Variants in FOXN4 observed in about 807,000 individuals in gnomAD.
FOXN4 encodes the protein forkhead box protein N4.
FOXN4 carries 12 observed loss-of-function variants against 45.0 expected under a neutral mutation model. The observed-to-expected ratio is 0.27, with a 90% confidence interval of 0.17 to 0.43. FOXN4 has a LOEUF of 0.43. Among genes scored for constraint, FOXN4 ranks in the 20% least tolerant of loss-of-function variants. FOXN4 has a pLI of 1.00. For synonymous variants in FOXN4, 297 were observed against 295.0 expected (o/e 1.01, Z -0.07); for missense variants, 560 against 694.9 (o/e 0.81, Z 2.18).
intron 2 of FOXN4, among the ~76,000 whole-genome samples, chr12:109,298,344 G>GA (rs796347269): frequency 2.3e-5 from 3 of 131,858 alleles, no homozygotes; most frequent in Admixed American, 2.2e-4. Flanking sequence ...TTTTTTTTTT[G>GA]TTTTTTTTTT....
rs1423095193 is a variant in FOXN4 at position 109,285,352 on chromosome 12, A to T, written c.853T>A (p.Trp285Arg). Reference protein sequence around the residue: ...IDKMEEEMHKWKRKDLAAIHR... With the variant: ...IDKMEEEMHKRKRKDLAAIHR... ...ATGGCAGCCAGGTCCTTCCTCTTCC[A>T]CTTGTGCATCTCCTCCTCCATCTTG... Residue 285 changes from tryptophan to arginine, a missense_variant, in exon 8 of 10, where the codon TGG becomes AGG. This residue lies in a region of FOXN4 where 315 missense variants were observed against 350.5 expected (regional missense o/e 0.90). Transcript: ENST00000299162. 1.2e-6 allele frequency: 2 copies of T among 1,613,120 alleles called. No individual in the cohort carries two copies. The highest frequency in any genetic ancestry group is 4.5e-5 in the East Asian group (2 of 44,832).
At chr12:109,283,029 C>T (rs774222906) in intron 8 of FOXN4, among the ~76,000 whole-genome samples, 12 of 151,996 alleles carry the variant, frequency 7.9e-5, no homozygotes, top group Middle Eastern at 3.2e-3. Flanking sequence ...TTGTTCATCC[C>T]CAAGCCACAC....
intron 2 of FOXN4, among the ~76,000 whole-genome samples, chr12:109,306,394 C>T (rs909335358): frequency 6.6e-6 from 1 of 152,202 alleles, no homozygotes; most frequent in Non-Finnish European, 1.5e-5. Context: ...ATTGTTCTCA[C>T]TCTCTGACTC....
At chr12:109,304,225 A>AAGAAAGAAAG in intron 2 of FOXN4, among the ~76,000 whole-genome samples, 1 of 23,380 alleles carries the variant, frequency 4.3e-5, no homozygotes, top group East Asian at 9.9e-4. Flanking sequence ...AAGAAAGAGA[A>AAGAAAGAAAG]AGAAAGAAAG....
At chr12:109,299,646 G>A (rs1012507719) in intron 2 of FOXN4, among the ~76,000 whole-genome samples, 1 of 152,204 alleles carries the variant, frequency 6.6e-6, no homozygotes, top group Admixed American at 6.5e-5. Context: ...ATGCTGAAGG[G>A]TTGGGTCCCC....
chr12:109,308,040 TG>T (rs2047937156), intron 2 of FOXN4, among the ~76,000 whole-genome samples, 195 bp downstream of exon 2: 1 of 152,130 alleles, frequency 6.6e-6, no homozygotes, highest in African/African-American at 2.4e-5. Flanking sequence ...AGGCATTTCG[TG>T]GTCCCACTGG....
intron 2 of FOXN4, among the ~76,000 whole-genome samples, chr12:109,294,793 C>T (rs573454870): frequency 6.6e-6 from 1 of 152,234 alleles, no homozygotes; most frequent in South Asian, 2.1e-4. Context: ...ACCTCTGTCC[C>T]CTGCAGAAAG....
intron 9 of FOXN4, among the ~76,000 whole-genome samples, chr12:109,280,377 G>C (rs1210464825): frequency 6.7e-6 from 1 of 149,372 alleles, no homozygotes; most frequent in African/African-American, 2.5e-5. Flanking sequence ...GCATGGAAGG[G>C]CCAGAGTCGC....
chr12:109,283,124 T>C (rs1388198156), intron 8 of FOXN4, among the ~76,000 whole-genome samples: 1 of 152,088 alleles, frequency 6.6e-6, no homozygotes, highest in Non-Finnish European at 1.5e-5. Context: ...AGCCTCCACG[T>C]CACAGTCCCC....
chr12:109,290,027 G>C lies in FOXN4; in HGVS notation c.232+114C>G. The C allele has an allele frequency of 8.1e-7, 1 of 1,233,084 alleles. No individual in the cohort carries two copies. Among genetic ancestry groups the C allele is most frequent in the East Asian group, 2.7e-5 (1 of 36,478 alleles). The allele number at this position is 1,233,084 out of a possible 1,614,324, so 76.4% of individuals were successfully genotyped here. ...CCATTTTACAGATGCAGAAAGAGAGGCCCAGAGAGACTGGGAGACCGGGTC... is the reference window on the plus strand; with the variant it reads ...CCATTTTACAGATGCAGAAAGAGAGCCCCAGAGAGACTGGGAGACCGGGTC... On this transcript the variant is annotated intron_variant, in intron 3 of 9. Transcript: ENST00000299162. This position sits in a 1 kb window ranked among gnomAD's most constrained non-coding sequence, Gnocchi z 5.1.
chr12:109,293,920 C>T (rs1264213170), intron 2 of FOXN4, among the ~76,000 whole-genome samples: 1 of 152,172 alleles, frequency 6.6e-6, no homozygotes, highest in African/African-American at 2.4e-5. Flanking sequence ...AGGACAGGGA[C>T]AGAGAGTAGG....
rs182558917 is a variant in FOXN4 at position 109,279,550 on chromosome 12, G to A, written c.*121C>T. ...GCTTCCCTGTCCAGCCGGCAACTTC[G>A]CCACAGGTCCAGGAGAGGCTTCGGG... On this transcript the variant is annotated 3_prime_UTR_variant, in exon 10 of 10. Transcript: ENST00000299162. The A allele has an allele frequency of 1.4e-4, 205 of 1,439,594 alleles. No homozygotes were observed. In the African/African-American group the frequency reaches 2.4e-3, roughly 17 times the overall value. The allele number at this position is 1,439,594 out of a possible 1,614,324, so 89.2% of individuals were successfully genotyped here.
At chr12:109,301,249 G>A (rs888587525) in intron 2 of FOXN4, among the ~76,000 whole-genome samples, 2 of 152,286 alleles carry the variant, frequency 1.3e-5, no homozygotes, top group East Asian at 1.9e-4. Flanking sequence ...CTCGTGTGCC[G>A]AACAGAGGTG....
At position 109,281,805 on chromosome 12, in the gene FOXN4, G is replaced by A; in HGVS notation, c.902-6C>T. Reference sequence around the variant, plus strand: ...GATCAGCTTGTCCAACTCCTCTGCAGGCAAGTGGGAGAGGTCACTCAGAAC... The same window carrying A: ...GATCAGCTTGTCCAACTCCTCTGCAAGCAAGTGGGAGAGGTCACTCAGAAC... On this transcript the variant is annotated splice_polypyrimidine_tract_variant and splice_region_variant and intron_variant, in intron 8 of 9. Transcript: ENST00000299162. 2 of 1,560,374 alleles carry A rather than the reference G, an allele frequency of 1.3e-6. No homozygotes were observed. The highest frequency in any genetic ancestry group is 1.7e-6 in the Non-Finnish European group (2 of 1,156,984).
At position 109,290,152 on chromosome 12, in the gene FOXN4, T is replaced by A. The variant is rs2047752851; in HGVS notation, c.221A>T (p.His74Leu). The A allele has an allele frequency of 6.5e-7, 1 of 1,548,286 alleles. No individual in the cohort carries two copies. The highest frequency in any genetic ancestry group is 2.4e-5 in the East Asian group (1 of 40,842). ...RVDLGGPCVPHPHPGALAGVA... is the reference protein window; with the variant it reads ...RVDLGGPCVPLPHPGALAGVA... ...GTCCCTGAGCCTACCTGGGTGTGGA[T>A]GTGGCACGCAGGGGCCACCCAGGTC... The change falls in exon 3 of 10, where the codon CAT becomes CTT. Residue 74 changes from histidine (H) to leucine (L), a missense_variant. His to Leu is a moderately conservative substitution (Grantham distance 99). Coordinates refer to ENST00000299162, the MANE Select transcript of FOXN4 (RefSeq NM_213596.3). The surrounding 1 kb of genome is among the most constrained non-coding windows in gnomAD (Gnocchi z 5.1).
intron 2 of FOXN4, among the ~76,000 whole-genome samples, chr12:109,292,294 C>T (rs1303346847): frequency 6.6e-6 from 1 of 152,126 alleles, no homozygotes; most frequent in Non-Finnish European, 1.5e-5. Flanking sequence ...AGGTGGCTGC[C>T]CTCCAAAGCT....
rs1352218985 is a variant in FOXN4 at position 109,308,933 on chromosome 12, A to C, written c.-4+186T>G. Among the ~76,000 whole-genome samples, 3 of 152,344 alleles carry C rather than the reference A, an allele frequency of 2.0e-5. No individual in the cohort carries two copies. In the East Asian group the frequency reaches 5.8e-4, roughly 29 times the overall value. On this transcript the variant is annotated intron_variant, in intron 1 of 9. Coordinates refer to ENST00000299162, the MANE Select transcript of FOXN4 (RefSeq NM_213596.3). ...CTAAGTTTCTCAAACTCCAAGCCTG[A>C]ACCAACATAAAAGCCCACCAAAGCC... is the stretch of plus-strand genomic sequence containing the variant.
intron 2 of FOXN4, among the ~76,000 whole-genome samples, chr12:109,307,604 G>A (rs1179100406): frequency 1.3e-5 from 2 of 152,138 alleles, no homozygotes; most frequent in African/African-American, 4.8e-5. Flanking sequence ...AAAGACAGAA[G>A]GGCTCTGAAG....
chr12:109,279,539 C>T lies in FOXN4; in HGVS notation c.*132G>A. The T allele has an allele frequency of 7.3e-7, 1 of 1,375,566 alleles. No individual in the cohort carries two copies. The highest frequency in any genetic ancestry group is 9.8e-7 in the Non-Finnish European group (1 of 1,023,752). The allele number at this position is 1,375,566 out of a possible 1,614,324, so 85.2% of individuals were successfully genotyped here. A position where few individuals can be genotyped will look rare whatever the true frequency, so the allele number is the denominator to read the frequency against. On this transcript the variant is annotated 3_prime_UTR_variant, in exon 10 of 10. Transcript: ENST00000299162. Reference sequence around the variant, plus strand: ...TGAGGGGAACCGCTTCCCTGTCCAGCCGGCAACTTCGCCACAGGTCCAGGA... The same window carrying T: ...TGAGGGGAACCGCTTCCCTGTCCAGTCGGCAACTTCGCCACAGGTCCAGGA...
Sources: gnomAD v4.1 joint callset for allele counts (sites outside exome capture counted in the v4.1 genomes callset) on GRCh38, gnomAD v4.1.1 for gene constraint, gnomAD v4.1.1 regional missense constraint, Gnocchi (gnomAD v3.1) non-coding constraint, MANE v1.5 for transcripts, NCBI Gene and HGNC (gene_info 2026-07-23, HGNC 2026-07-21) for gene names.